Variants in TCEANC2 observed in about 807,000 individuals in gnomAD.
TCEANC2 encodes the protein transcription elongation factor A N-terminal and central domain containing 2, also known as transcription elongation factor A N-terminal and central domain-containing protein 2.
Under a neutral mutation model 22.8 loss-of-function variants are expected in TCEANC2, and 20 were observed. That is an observed-to-expected ratio of 0.88 (90% CI 0.62 to 1.28). The LOEUF (loss-of-function observed/expected upper bound fraction) is 1.28. Ranked by LOEUF, TCEANC2 falls within the 50% of genes most tolerant of loss-of-function variation. The pLI, the probability that TCEANC2 is intolerant of heterozygous loss-of-function variation, is 0.00. For missense variants in TCEANC2, 251 were observed against 249.7 expected, an observed-to-expected ratio of 1.01 and a Z score of -0.03; for synonymous variants, 84 against 95.5, an observed-to-expected ratio of 0.88 and a Z score of 0.70.
chr1:54,086,584 G>A (rs931028498), intron 3 of TCEANC2, among the ~76,000 whole-genome samples: 1 of 152,200 alleles, frequency 6.6e-6, no homozygotes, highest in Non-Finnish European at 1.5e-5. Context: ...AGTAGCTGGA[G>A]TATTGGATGA....
At chr1:54,078,666 G>T (rs1355524845) in intron 3 of TCEANC2, among the ~76,000 whole-genome samples, 1 of 152,166 alleles carries the variant, frequency 6.6e-6, no homozygotes, top group Non-Finnish European at 1.5e-5. Flanking sequence ...GCAAAATTTA[G>T]ACTGGAAATA....
rs775494891 is a variant in TCEANC2 at position 54,102,313 on chromosome 1, C to G, written c.*5840C>G. ...GAACAGATGCCTGTGAAGTTTATGACAAGACCCTACAGGAGAATCACAATG... is the reference window on the plus strand; with the variant it reads ...GAACAGATGCCTGTGAAGTTTATGAGAAGACCCTACAGGAGAATCACAATG... On this transcript the variant is annotated 3_prime_UTR_variant, in exon 5 of 5. Transcript: ENST00000234827. The G allele has an allele frequency of 6.6e-6, 1 of 152,234 alleles. No homozygotes were observed. The highest frequency in any genetic ancestry group is 1.5e-5 in the Non-Finnish European group (1 of 68,056). 9.4% of individuals were successfully genotyped at this position (152,234 alleles called of 1,614,324 possible). A position where few individuals can be genotyped will look rare whatever the true frequency, so the allele number is the denominator to read the frequency against.
chr1:54,094,616 AGTCT>A (rs939881627), intron 4 of TCEANC2, among the ~76,000 whole-genome samples: 1 of 152,176 alleles, frequency 6.6e-6, no homozygotes, highest in Non-Finnish European at 1.5e-5. Flanking sequence ...CCCTGTTCAC[AGTCT>A]GTCTGTCCTA....
downstream of TCEANC2, among the ~76,000 whole-genome samples, chr1:54,106,308 G>A (rs1658753393): frequency 6.6e-6 from 1 of 152,106 alleles, no homozygotes; most frequent in African/African-American, 2.4e-5. Flanking sequence ...AATGAGTTTA[G>A]GTTTGTATAA....
chr1:54,090,727 G>A (rs1026314442), intron 4 of TCEANC2, among the ~76,000 whole-genome samples: 3 of 152,080 alleles, frequency 2.0e-5, no homozygotes, highest in Non-Finnish European at 4.4e-5. Flanking sequence ...CCAGAGTATC[G>A]ATTAGCCAAC....
chr1:54,057,249 T>C (rs1301148337), intron 2 of TCEANC2, among the ~76,000 whole-genome samples: 3 of 145,272 alleles, frequency 2.1e-5, no homozygotes, highest in Non-Finnish European at 4.5e-5. Context: ...TTTTTTAGGG[T>C]CTCGCTCTGT....
At chr1:54,073,161 C>G (rs1293123317) in intron 3 of TCEANC2, among the ~76,000 whole-genome samples, 1 of 152,000 alleles carries the variant, frequency 6.6e-6, no homozygotes, top group Non-Finnish European at 1.5e-5. Context: ...GAGAAGGGGT[C>G]TCGCTGTGTT....
At chr1:54,108,435 T>C (rs774153127), downstream of TCEANC2, among the ~76,000 whole-genome samples, 25 of 152,262 alleles carry the variant, frequency 1.6e-4, no homozygotes, top group Non-Finnish European at 2.9e-4. Flanking sequence ...CCAGTATGAC[T>C]GGTGTCCTTA....
chr1:54,068,898 G>A lies in TCEANC2; in HGVS notation c.244+1G>A. ...GAAGTGTTAAAATCAACAAGGATAGGTATATTCCTTCTTAATTTTATTTTT... is the reference window on the plus strand; with the variant it reads ...GAAGTGTTAAAATCAACAAGGATAGATATATTCCTTCTTAATTTTATTTTT... On this transcript the variant is annotated splice_donor_variant, in intron 3 of 4. Coordinates refer to ENST00000234827, the MANE Select transcript of TCEANC2 (RefSeq NM_153035.3). LOFTEE classifies it high-confidence loss of function. 1 of 1,544,670 alleles carries A rather than the reference G, an allele frequency of 6.5e-7. No individual in the cohort carries two copies. Among genetic ancestry groups the A allele is most frequent in the Non-Finnish European group, 8.7e-7 (1 of 1,153,444 alleles).
chr1:54,109,022 C>T (rs1157642656), downstream of TCEANC2, among the ~76,000 whole-genome samples: 6 of 152,106 alleles, frequency 3.9e-5, no homozygotes, highest in Non-Finnish European at 7.4e-5. Context: ...ATGCCAGGCC[C>T]GGTGACAGGT....
intron 4 of TCEANC2, among the ~76,000 whole-genome samples, chr1:54,089,429 G>A (rs540062152): frequency 2.6e-5 from 4 of 152,224 alleles, no homozygotes; most frequent in African/African-American, 4.8e-5. Context: ...ACACCTTCAT[G>A]GCTTACAATT....
At chr1:54,112,378 C>T (rs904951521) in exon 5 of TCEANC2, 4 of 152,084 alleles carry the variant, frequency 2.6e-5, no homozygotes, top group African/African-American at 9.7e-5. Flanking sequence ...AACAAAATCA[C>T]TGTGTAATAA....
At chr1:54,070,613 TC>T (rs1457156180) in intron 3 of TCEANC2, among the ~76,000 whole-genome samples, 1 of 152,176 alleles carries the variant, frequency 6.6e-6, no homozygotes, top group Admixed American at 6.5e-5. Context: ...ATCCCAAGCC[TC>T]CCCTAAACCT....
chr1:54,068,496 C>T (rs1253424041), intron 2 of TCEANC2, among the ~76,000 whole-genome samples: 1 of 152,188 alleles, frequency 6.6e-6, no homozygotes, highest in Non-Finnish European at 1.5e-5. Flanking sequence ...CCTCTCACTG[C>T]TAAGTGCCCA....
chr1:54,069,637 T>C (rs1370149382), intron 3 of TCEANC2, among the ~76,000 whole-genome samples: 2 of 150,236 alleles, frequency 1.3e-5, no homozygotes, highest in Non-Finnish European at 3.0e-5. Context: ...TAGAGTTTGG[T>C]AGAGGAGACG....
In TCEANC2 at chr1:54,072,067, T is replaced by C. The variant is rs142654599; in HGVS notation, c.244+3170T>C. 3.0e-3 allele frequency among the ~76,000 whole-genome samples: 455 copies of C among 152,254 alleles called. 4 individuals carry two copies. Among genetic ancestry groups the C allele is most frequent in the Middle Eastern group, 0.027 (8 of 294 alleles). ...GCTCAAGCAGTCTTCTCATCTCAGC[T>C]TCCCAAAGTGCTGGGATTACATGTG... On this transcript the variant is annotated intron_variant, in intron 3 of 4. Transcript: ENST00000234827.
chr1:54,060,623 C>T (rs1278000824), intron 2 of TCEANC2, among the ~76,000 whole-genome samples: 1 of 151,664 alleles, frequency 6.6e-6, no homozygotes, highest in East Asian at 1.9e-4. Flanking sequence ...ACAGAATTGT[C>T]ATATAGACAA....
rs560429913 is a variant in TCEANC2 at position 54,105,870 on chromosome 1, C to T, written c.*9397C>T. The T allele has an allele frequency of 2.0e-5, 3 of 152,242 alleles. No individual in the cohort carries two copies. The highest frequency in any genetic ancestry group is 6.5e-5 in the Admixed American group (1 of 15,296). The allele number at this position is 152,242 out of a possible 1,614,324, so 9.4% of individuals were successfully genotyped here. ...TCTTGACCTCGTGATCCGCGCTCCT[C>T]GGCCTCCCAAAGTGCTGGGATTATA... is the stretch of plus-strand genomic sequence containing the variant. On this transcript the variant is annotated 3_prime_UTR_variant, in exon 5 of 5. Transcript: ENST00000234827.
chr1:54,082,535 G>A (rs576895279), intron 3 of TCEANC2, among the ~76,000 whole-genome samples: 11 of 152,336 alleles, frequency 7.2e-5, no homozygotes, highest in South Asian at 6.2e-4. Context: ...CCCTCAACCC[G>A]TTTACAGTTT....
Sources: gnomAD v4.1 joint callset for allele counts (sites outside exome capture counted in the v4.1 genomes callset) on GRCh38, gnomAD v4.1.1 for gene constraint, MANE v1.5 for transcripts, NCBI Gene and HGNC (gene_info 2026-07-23, HGNC 2026-07-21) for gene names.